The following BSN variants were observed in gnomAD, a reference collection of about 807,000 sequenced individuals.
BSN encodes protein bassoon.
BSN carries 57 observed loss-of-function variants against 264.8 expected under a neutral mutation model. The observed-to-expected ratio is 0.22, with a 90% CI of 0.17 to 0.27. BSN has a LOEUF of 0.27. Ranked by LOEUF, BSN falls within the 10% of genes least tolerant of loss-of-function variation. BSN has a pLI of 1.00. For missense variants in BSN, 4,615 were observed against 5,232.5 expected (o/e 0.88, Z 3.64); for synonymous variants, 2,059 against 2,137.3 (o/e 0.96, Z 1.01).
chr3:49,646,650 G>A (rs2052505116), intron 3 of BSN, among the ~76,000 whole-genome samples: 1 of 152,210 alleles, frequency 6.6e-6, no homozygotes, highest in Non-Finnish European at 1.5e-5. Context: ...CAGGATTTTG[G>A]AACAGGAGTA....
In BSN at chr3:49,657,626, C is replaced by T. The variant is rs756227771; in HGVS notation, c.8070C>T (p.Ile2690=). Residue 2690 remains isoleucine (I), a synonymous_variant, in exon 5 of 12, where the codon ATC becomes ATT. Coordinates refer to ENST00000296452, the MANE Select transcript of BSN (RefSeq NM_003458.4). The part of the protein sequence containing the change: ...QLPRVSPAIH[I]TAATDPKVEI... ...CCAGGGTCTCTCCAGCCATCCACATCACAGCTGCCACCGATCCCAAGGTGG... is the reference window on the plus strand; with the variant it reads ...CCAGGGTCTCTCCAGCCATCCACATTACAGCTGCCACCGATCCCAAGGTGG... 6.2e-7 allele frequency: 1 copy of T among 1,600,206 alleles called. No homozygotes were observed. Among genetic ancestry groups the T allele is most frequent in the Non-Finnish European group, 8.5e-7 (1 of 1,170,560 alleles).
chr3:49,606,020 A>G (rs2052135151), intron 1 of BSN, among the ~76,000 whole-genome samples: 1 of 91,332 alleles, frequency 1.1e-5, no homozygotes, highest in African/African-American at 4.7e-5. Context: ...ATAGAAATAT[A>G]TATTTATATA....
At chr3:49,624,091 C>T (rs1221659493) in intron 1 of BSN, among the ~76,000 whole-genome samples, 3 of 152,018 alleles carry the variant, frequency 2.0e-5, no homozygotes, top group Non-Finnish European at 4.4e-5. Flanking sequence ...AGCTCCACCT[C>T]CCGGGTTCAC....
intron 1 of BSN, among the ~76,000 whole-genome samples, chr3:49,592,389 G>T (rs972916869): frequency 2.6e-5 from 4 of 151,142 alleles, no homozygotes; most frequent in Non-Finnish European, 5.9e-5. Context: ...GATTACAGGC[G>T]TGAGCCACCG....
chr3:49,616,483 C>T (rs2052259916), intron 1 of BSN, among the ~76,000 whole-genome samples: 1 of 152,234 alleles, frequency 6.6e-6, no homozygotes, highest in African/African-American at 2.4e-5. Context: ...GCCACTCTGA[C>T]TTAGAGAAAC....
At chr3:49,610,200 G>A (rs538674686) in intron 1 of BSN, among the ~76,000 whole-genome samples, 13 of 152,298 alleles carry the variant, frequency 8.5e-5, no homozygotes, top group South Asian at 8.3e-4. Context: ...ACACATGCAC[G>A]TTCAAGTTCC....
chr3:49,575,450 G>GTA (rs1235983447), intron 1 of BSN, among the ~76,000 whole-genome samples: 1 of 146,012 alleles, frequency 6.8e-6, no homozygotes, highest in Non-Finnish European at 1.5e-5. Flanking sequence ...ATATATGTGT[G>GTA]TATATATGTA....
intron 1 of BSN, among the ~76,000 whole-genome samples, chr3:49,573,649 T>A (rs985713625): frequency 6.6e-6 from 1 of 150,592 alleles, no homozygotes; most frequent in African/African-American, 2.4e-5. Flanking sequence ...AGCAGTACTT[T>A]CTCTCTGGTT....
chr3:49,616,761 G>A (rs565057698), intron 1 of BSN, among the ~76,000 whole-genome samples: 1 of 152,290 alleles, frequency 6.6e-6, no homozygotes, highest in African/African-American at 2.4e-5. Context: ...CATTATGGAC[G>A]TCACTGGTGT....
rs1325113361 is a variant in BSN at position 49,660,563 on chromosome 3, C to T, written c.8718C>T (p.His2906=). Residue 2906 remains histidine, a synonymous_variant, in exon 6 of 12, where the codon CAC becomes CAT. Coordinates refer to ENST00000296452, the MANE Select transcript of BSN (RefSeq NM_003458.4). This position sits in a 1 kb window ranked among gnomAD's most constrained non-coding sequence, Gnocchi z 7.1. The stretch of plus-strand genomic sequence containing the variant: ...CCAGCCCCCCTCCAGAGGAGGCTCA[C>T]CTTCCCCTGGCTGGCCAGGCCTCCC... ...TLPSPPPEEA[H]LPLAGQASPQ... 6.2e-7 allele frequency: 1 copy of T among 1,602,164 alleles called. No homozygotes were observed. Among genetic ancestry groups the T allele is most frequent in the Non-Finnish European group, 8.5e-7 (1 of 1,172,788 alleles).
chr3:49,582,704 G>C (rs1033797766), intron 1 of BSN, among the ~76,000 whole-genome samples: 1 of 151,996 alleles, frequency 6.6e-6, no homozygotes, highest in South Asian at 2.1e-4. Context: ...AAACTTCCTT[G>C]CACATCGTTG....
At chr3:49,573,802 C>G (rs1278245650) in intron 1 of BSN, among the ~76,000 whole-genome samples, 1 of 151,988 alleles carries the variant, frequency 6.6e-6, no homozygotes, top group African/African-American at 2.4e-5. Flanking sequence ...GGATTACAGG[C>G]ATGTGCCACC....
intron 1 of BSN, among the ~76,000 whole-genome samples, chr3:49,564,582 G>C (rs954059274): frequency 6.6e-6 from 1 of 152,194 alleles, no homozygotes; most frequent in African/African-American, 2.4e-5. Context: ...ATCTGACCTG[G>C]AGTGGGGTGG....
rs1387613884 is a variant in BSN at position 49,642,643 on chromosome 3, G to A, written c.1009G>A (p.Gly337Ser). Reference sequence around the variant, plus strand: ...TGCCACCGCAGTGCCCGCTGGGCTTGGTGCCACTGAGCAGACCCAGGAGGG... The same window carrying A: ...TGCCACCGCAGTGCCCGCTGGGCTTAGTGCCACTGAGCAGACCCAGGAGGG... ...KSATAVPAGL[G>S]ATEQTQEGLT... The change falls in exon 3 of 12, where the codon GGT (glycine) becomes AGT (serine). Residue 337 changes from glycine (G) to serine (S), a missense_variant. Gly to Ser is a moderately conservative substitution (Grantham distance 56). Around this residue, in one of 3 missense-constraint regions of BSN, gnomAD observed 1,197 missense variants for 1,348.0 expected, o/e 0.89. Transcript: ENST00000296452. This position sits in a 1 kb window ranked among gnomAD's most constrained non-coding sequence, Gnocchi z 7.0. 3.1e-6 allele frequency: 5 copies of A among 1,603,174 alleles called. No homozygotes were observed. The African/African-American group carries it at 6.7e-5, about 21-fold the overall frequency.
chr3:49,611,484 C>G (rs78380882), intron 1 of BSN, among the ~76,000 whole-genome samples: 270 of 152,258 alleles, frequency 1.8e-3, no homozygotes, highest in African/African-American at 5.9e-3. Context: ...TGGGCTGCAT[C>G]AGAACTCCTG....
At chr3:49,563,476 G>A (rs1284638091) in intron 1 of BSN, among the ~76,000 whole-genome samples, 3 of 152,238 alleles carry the variant, frequency 2.0e-5, no homozygotes, top group Admixed American at 6.5e-5. Flanking sequence ...TTGTGATGGG[G>A]AAGGGTGGGG....
In BSN at chr3:49,624,368, T is replaced by A. The variant is rs146656716; in HGVS notation, c.225-607T>A. ...GGCTGGAGTTCAGTGGCACGATCTC[T>A]GCTCACTGCAACCTCTGCCTCCTGG... On this transcript the variant is annotated intron_variant, in intron 1 of 11. Coordinates refer to ENST00000296452, the MANE Select transcript of BSN (RefSeq NM_003458.4). Among the ~76,000 whole-genome samples the A allele has an allele frequency of 3.7e-3, 530 of 142,192 alleles. 2 individuals are homozygous for A. Among genetic ancestry groups the A allele is most frequent in the African/African-American group, 0.013 (515 of 38,880 alleles). 93.3% of individuals were successfully genotyped at this position (142,192 alleles called of 152,430 possible).
intron 1 of BSN, among the ~76,000 whole-genome samples, chr3:49,579,003 A>T (rs376233973): frequency 6.6e-6 from 1 of 152,092 alleles, no homozygotes; most frequent in East Asian, 1.9e-4. Context: ...TAGAGAGGGA[A>T]TCTTACTCTG....
chr3:49,635,744 G>T (rs1182686128), intron 2 of BSN, among the ~76,000 whole-genome samples: 1 of 152,172 alleles, frequency 6.6e-6, no homozygotes, highest in Non-Finnish European at 1.5e-5. Flanking sequence ...AGAGGCGAAG[G>T]TGGGAGGATT....
Sources: allele counts gnomAD v4.1 joint callset (sites outside exome capture counted in the v4.1 genomes callset), GRCh38; gene constraint gnomAD v4.1.1; regional missense constraint gnomAD v4.1.1; non-coding constraint Gnocchi (gnomAD v3.1); transcripts MANE v1.5; gene names NCBI Gene and HGNC (gene_info 2026-07-23, HGNC 2026-07-21).